The following NETO2 variants were observed in gnomAD, a reference collection of about 807,000 sequenced individuals.
The protein encoded by NETO2 is neuropilin and tolloid like 2.
NETO2 carries 28 observed loss-of-function variants against 62.5 expected under a neutral mutation model. The observed-to-expected ratio is 0.45, with a 90% confidence interval of 0.33 to 0.61. The LOEUF (loss-of-function observed/expected upper bound fraction) is 0.61, where lower values mean the gene tolerates loss of function less well. NETO2 is among the 20% of genes least tolerant of loss of function. NETO2 has a pLI of 0.02. For missense variants in NETO2, 548 were observed against 643.2 expected (o/e 0.85, Z 1.60); for synonymous variants, 214 against 219.1 (o/e 0.98, Z 0.21).
intron 7 of NETO2, among the ~76,000 whole-genome samples, chr16:47,099,204 C>G (rs1963492989): frequency 6.6e-6 from 1 of 152,110 alleles, no homozygotes; most frequent in Non-Finnish European, 1.5e-5. Flanking sequence ...TCATATCCAG[C>G]CAAACTAAGC....
At chr16:47,123,175 G>C (rs975411471) in intron 4 of NETO2, among the ~76,000 whole-genome samples, 2 of 152,136 alleles carry the variant, frequency 1.3e-5, no homozygotes, top group African/African-American at 4.8e-5. Flanking sequence ...CAGGTAAACG[G>C]AACATCACAT....
chr16:47,119,007 G>A (rs1394901879), intron 6 of NETO2, among the ~76,000 whole-genome samples: 1 of 151,640 alleles, frequency 6.6e-6, no homozygotes, highest in African/African-American at 2.4e-5. Flanking sequence ...TTCCCCCATT[G>A]TCATTTATTT....
intron 1 of NETO2, among the ~76,000 whole-genome samples, chr16:47,138,161 C>A (rs769917038): frequency 6.6e-6 from 1 of 152,094 alleles, no homozygotes; most frequent in Non-Finnish European, 1.5e-5. Context: ...CAGCACTTTG[C>A]GAGGCTGAGG....
intron 6 of NETO2, among the ~76,000 whole-genome samples, chr16:47,113,194 T>A (rs929718501): frequency 6.6e-6 from 1 of 152,226 alleles, no homozygotes; most frequent in African/African-American, 2.4e-5. Flanking sequence ...TTGTACCAAT[T>A]TATATACATT....
intron 6 of NETO2, among the ~76,000 whole-genome samples, chr16:47,121,344 C>A (rs1435339712): frequency 1.3e-5 from 2 of 152,078 alleles, no homozygotes; most frequent in African/African-American, 4.8e-5. Context: ...CCATGCCAAC[C>A]CTGCAGCTTT....
At chr16:47,115,015 C>G (rs1044858117) in intron 6 of NETO2, among the ~76,000 whole-genome samples, 2 of 152,056 alleles carry the variant, frequency 1.3e-5, no homozygotes, top group Admixed American at 1.3e-4. Flanking sequence ...CCTTTCTCCA[C>G]TCAATTTCCT....
intron 1 of NETO2, among the ~76,000 whole-genome samples, chr16:47,136,754 G>A (rs1476320935): frequency 6.6e-6 from 1 of 152,042 alleles, no homozygotes; most frequent in Non-Finnish European, 1.5e-5. Flanking sequence ...TTGGTGAAAG[G>A]ATGGATTTAA....
At position 47,079,208 on chromosome 16, in the gene NETO2, G is replaced by A. The variant is rs889815453; in HGVS notation, c.*4013C>T. ...AGACAGGAGAATGGCATGAACCCGG[G>A]AGGCGGAGCTTGCAGTGAGCCGAGA... On this transcript the variant is annotated 3_prime_UTR_variant, in exon 9 of 9. Transcript: ENST00000562435. 6.6e-6 allele frequency: 1 copy of A among 151,736 alleles called. No individual in the cohort carries two copies. The highest frequency in any genetic ancestry group is 6.6e-5 in the Admixed American group (1 of 15,204). The allele number at this position is 151,736 out of a possible 1,614,324, so 9.4% of individuals were successfully genotyped here.
intron 6 of NETO2, among the ~76,000 whole-genome samples, chr16:47,115,287 T>C (rs1388613928): frequency 1.3e-5 from 2 of 152,192 alleles, no homozygotes; most frequent in Admixed American, 1.3e-4. Flanking sequence ...GTGATTTTGA[T>C]TGAAATTGTA....
intron 6 of NETO2, among the ~76,000 whole-genome samples, chr16:47,121,281 C>T (rs1964034237): frequency 1.3e-5 from 2 of 152,096 alleles, no homozygotes; most frequent in African/African-American, 4.8e-5. Flanking sequence ...GGGCTGTGAG[C>T]ATAGGGGTTT....
At chr16:47,089,795 T>C (rs994059091) in intron 7 of NETO2, among the ~76,000 whole-genome samples, 1 of 152,168 alleles carries the variant, frequency 6.6e-6, no homozygotes, top group Non-Finnish European at 1.5e-5. Context: ...ATCATACAAA[T>C]GGGGGCACCG....
chr16:47,090,868 T>C (rs573553405), intron 7 of NETO2, among the ~76,000 whole-genome samples: 3 of 152,324 alleles, frequency 2.0e-5, no homozygotes, highest in Admixed American at 2.0e-4. Flanking sequence ...TTTAGCAAAA[T>C]TATTCTATTT....
intron 7 of NETO2, among the ~76,000 whole-genome samples, chr16:47,102,341 A>G (rs1443956739): frequency 6.6e-6 from 1 of 152,224 alleles, no homozygotes; most frequent in Non-Finnish European, 1.5e-5. Context: ...AAACCCTAGA[A>G]GAAAACCTAG....
Position 47,128,437 on chromosome 16 carries a change from G to A in NETO2, c.369C>T (p.Gly123=), listed in dbSNP as rs768102143. Residue 123 remains glycine, a synonymous_variant, in exon 4 of 9, where the codon GGC becomes GGT. Transcript: ENST00000562435. ...GFSPLIDRYC[G]VKSPPLIRST... ...ATCTAATTAATGGAGGGCTTTTCAC[G>A]CCACAGTAACGATCTATAAGAGGAG... 1.1e-5 allele frequency: 17 copies of A among 1,613,896 alleles called. No individual in the cohort carries two copies. The highest frequency in any genetic ancestry group is 2.2e-5 in the South Asian group (2 of 91,074).
chr16:47,122,809 T>A, intron 5 of NETO2, 25 bp from the exon 6 acceptor site: 1 of 1,613,918 alleles, frequency 6.2e-7, no homozygotes, highest in South Asian at 1.1e-5. Context: ...TGAAAGGTGT[T>A]CAAAGGAACA....
In NETO2 at chr16:47,086,868, A is replaced by G. The variant is rs539173588; in HGVS notation, c.884-529T>C. On this transcript the variant is annotated intron_variant, in intron 7 of 8. Coordinates refer to ENST00000562435, the MANE Select transcript of NETO2 (RefSeq NM_018092.5). ...CACAGCAGCATTATGCACAACAGCC[A>G]GAAAGTGGGAACAAACAAAATGCCC... is the stretch of plus-strand genomic sequence containing the variant. 1.9e-3 allele frequency among the ~76,000 whole-genome samples: 290 copies of G among 152,356 alleles called. 4 individuals carry two copies. Among genetic ancestry groups the G allele is most frequent in the Non-Finnish European group, 3.1e-3 (208 of 68,026 alleles).
At chr16:47,142,060 C>T (rs1472216072) in intron 1 of NETO2, among the ~76,000 whole-genome samples, 2 of 152,134 alleles carry the variant, frequency 1.3e-5, no homozygotes, top group Non-Finnish European at 2.9e-5. Flanking sequence ...ACAACCTTAC[C>T]GTAGTGAGGG....
chr16:47,128,214 A>C (rs1470155476), intron 4 of NETO2, 111 bp downstream of exon 4: 3 of 1,362,798 alleles, frequency 2.2e-6, no homozygotes, highest in East Asian at 4.6e-5. Flanking sequence ...AATTTGTTTA[A>C]AATCTTGATT....
At chr16:47,113,292 C>G (rs1209157653) in intron 6 of NETO2, among the ~76,000 whole-genome samples, 1 of 152,242 alleles carries the variant, frequency 6.6e-6, no homozygotes, top group Non-Finnish European at 1.5e-5. Context: ...ATCCACTACT[C>G]AGTCCTTGCT....
Sources: allele counts gnomAD v4.1 joint callset (sites outside exome capture counted in the v4.1 genomes callset), GRCh38; gene constraint gnomAD v4.1.1; transcripts MANE v1.5; gene names NCBI Gene and HGNC (gene_info 2026-07-23, HGNC 2026-07-21).